Variants in NR3C1 observed in about 807,000 individuals in gnomAD.
NR3C1 encodes nuclear receptor subfamily 3 group C member 1, also known as glucocorticoid receptor.
Under a neutral mutation model 74.0 loss-of-function variants are expected in NR3C1, and 14 were observed. That is an observed-to-expected ratio of 0.19 (90% CI 0.12 to 0.30). The LOEUF (loss-of-function observed/expected upper bound fraction) is 0.30, where lower values mean the gene tolerates loss of function less well. NR3C1 is among the 10% of genes least tolerant of loss of function. The pLI is 1.00. For missense variants in NR3C1, 695 were observed against 909.8 expected, an observed-to-expected ratio of 0.76 and a Z score of 3.04; for synonymous variants, 308 against 332.5, an observed-to-expected ratio of 0.93 and a Z score of 0.80.
At chr5:143,427,571 G>A (rs1329300291) in intron 1 of NR3C1, among the ~76,000 whole-genome samples, 1 of 152,186 alleles carries the variant, frequency 6.6e-6, no homozygotes, top group East Asian at 1.9e-4. Context: ...CGTAGCCAGT[G>A]TTGTAAACAA....
intron 2 of NR3C1, among the ~76,000 whole-genome samples, chr5:143,353,478 T>C (rs188450129): frequency 1.3e-5 from 2 of 152,310 alleles, no homozygotes; most frequent in East Asian, 1.9e-4. Flanking sequence ...CAAAATGTAC[T>C]GATTTGAAAC....
upstream of NR3C1, chr5:143,403,900 G>T: frequency 1.0e-6 from 1 of 981,424 alleles, no homozygotes; most frequent in Non-Finnish European, 1.2e-6. Flanking sequence ...CCCCTGGCGT[G>T]GCCGCCCCGC....
chr5:143,288,965 C>T (rs1815214860), intron 7 of NR3C1, among the ~76,000 whole-genome samples: 2 of 150,838 alleles, frequency 1.3e-5, no homozygotes, highest in African/African-American at 4.9e-5. Flanking sequence ...ATTAGCCAAG[C>T]ATGATGGTGG....
chr5:143,296,258 C>T (rs10482689), intron 6 of NR3C1, among the ~76,000 whole-genome samples: 19,598 of 151,352 alleles, frequency 0.13, 1,462 homozygotes, highest in Middle Eastern at 0.29. Context: ...CAGTTCACAG[C>T]TTTTAAAATG....
At chr5:143,379,666 T>C (rs180885671) in intron 2 of NR3C1, among the ~76,000 whole-genome samples, 6 of 152,316 alleles carry the variant, frequency 3.9e-5, no homozygotes, top group South Asian at 2.1e-4. Context: ...GGTAGAAATA[T>C]AGTTGTTCCA....
intron 4 of NR3C1, among the ~76,000 whole-genome samples, chr5:143,306,837 A>G (rs1331793805): frequency 1.3e-5 from 2 of 150,584 alleles, no homozygotes; most frequent in South Asian, 2.1e-4. Context: ...TTTTAATACA[A>G]TATTTTGAGA....
At chr5:143,392,151 G>C (rs912898111) in intron 2 of NR3C1, among the ~76,000 whole-genome samples, 1 of 152,002 alleles carries the variant, frequency 6.6e-6, no homozygotes, top group Non-Finnish European at 1.5e-5. Flanking sequence ...ATTTTTAGTA[G>C]AGACAGGGTT....
At chr5:143,389,597 G>A (rs974123140) in intron 2 of NR3C1, among the ~76,000 whole-genome samples, 1 of 152,106 alleles carries the variant, frequency 6.6e-6, no homozygotes, top group African/African-American at 2.4e-5. Context: ...GCACTGTACA[G>A]CTCTGTTAAA....
chr5:143,372,512 G>GT (rs1049788188), intron 2 of NR3C1, among the ~76,000 whole-genome samples: 108 of 152,188 alleles, frequency 7.1e-4, no homozygotes, highest in African/African-American at 2.4e-3. Flanking sequence ...CTTTATTTCT[G>GT]TAATTTTTCA....
chr5:143,404,604 G>A, upstream of NR3C1: 2 of 330,104 alleles, frequency 6.1e-6, no homozygotes, highest in Non-Finnish European at 7.4e-6. Flanking sequence ...CACCCCTCCC[G>A]CCCAATGTGC....
rs927868634 is a variant in NR3C1, at chr5:143,279,974, G to A, written c.*1915C>T. ...GCGCTGACAGACTCACTGTTGGAATGAGAAGGGTGGTCAGAATGGGAGGCA... is the reference window on the plus strand; with the variant it reads ...GCGCTGACAGACTCACTGTTGGAATAAGAAGGGTGGTCAGAATGGGAGGCA... On this transcript the variant is annotated 3_prime_UTR_variant, in exon 9 of 9. Coordinates refer to ENST00000394464, the MANE Select transcript of NR3C1 (RefSeq NM_000176.3). The A allele has an allele frequency of 6.5e-6, 1 of 152,742 alleles. No individual in the cohort carries two copies. The highest frequency in any genetic ancestry group is 1.5e-5 in the Non-Finnish European group (1 of 68,338). 9.5% of individuals were successfully genotyped at this position (152,742 alleles called of 1,614,324 possible).
At chr5:143,397,897 T>C (rs1437424689) in intron 2 of NR3C1, among the ~76,000 whole-genome samples, 2 of 152,062 alleles carry the variant, frequency 1.3e-5, no homozygotes, top group East Asian at 1.9e-4. Context: ...TAAAAGTTCA[T>C]AGCAAATGGA....
At chr5:143,375,828 T>A (rs1353162989) in intron 2 of NR3C1, 1 of 152,210 alleles carries the variant, frequency 6.6e-6, no homozygotes, top group Non-Finnish European at 1.5e-5. Context: ...GTAACTTTTT[T>A]AAAAACTAGG....
rs181851194 is a variant in NR3C1 at position 143,377,815 on chromosome 5, T to A, written c.1184+21841A>T. Among the ~76,000 whole-genome samples the A allele has an allele frequency of 5.3e-5, 8 of 152,376 alleles. No individual in the cohort carries two copies. In the East Asian group the frequency reaches 1.3e-3, roughly 26 times the overall value. ...TCCCAAATTAAGAGTCTTTCTTTAC[T>A]AGTCCATTTTTGTAGGTTTTGCAAA... is the stretch of plus-strand genomic sequence containing the variant. On this transcript the variant is annotated intron_variant, in intron 2 of 8. Coordinates refer to ENST00000394464, the MANE Select transcript of NR3C1 (RefSeq NM_000176.3).
intron 2 of NR3C1, among the ~76,000 whole-genome samples, chr5:143,314,865 T>C (rs528940404): frequency 7.2e-5 from 11 of 152,270 alleles, no homozygotes; most frequent in South Asian, 6.2e-4. Flanking sequence ...TGCAGTAAGA[T>C]TGGACAAAGC....
chr5:143,375,641 CAAGT>C (rs1419463734), intron 2 of NR3C1: 1 of 152,140 alleles, frequency 6.6e-6, no homozygotes, highest in Non-Finnish European at 1.5e-5. Context: ...CTTTTATTTA[CAAGT>C]AAGTTGTCCA....
intron 7 of NR3C1, among the ~76,000 whole-genome samples, chr5:143,289,072 C>G (rs1489355022): frequency 1.4e-5 from 1 of 70,578 alleles, no homozygotes. Context: ...GACTCCATCT[C>G]AAAAAAAAAA....
At chr5:143,312,810 G>A (rs1821251309) in intron 3 of NR3C1, among the ~76,000 whole-genome samples, 1 of 152,146 alleles carries the variant, frequency 6.6e-6, no homozygotes, top group African/African-American at 2.4e-5. Context: ...GGAGTAAAGT[G>A]AGGACACGAA....
chr5:143,304,587 C>T (rs1379676733), intron 4 of NR3C1, among the ~76,000 whole-genome samples: 1 of 151,910 alleles, frequency 6.6e-6, no homozygotes, highest in Non-Finnish European at 1.5e-5. Context: ...CCAAAAAATG[C>T]CCCAAATAGC....
Sources: allele counts gnomAD v4.1 joint callset (sites outside exome capture counted in the v4.1 genomes callset), GRCh38; gene constraint gnomAD v4.1.1; transcripts MANE v1.5; gene names NCBI Gene and HGNC (gene_info 2026-07-23, HGNC 2026-07-21).